Variants in TET3 observed in about 807,000 individuals in gnomAD.
TET3 encodes the protein tet methylcytosine dioxygenase 3, also known as methylcytosine dioxygenase TET3.
A neutral mutation model predicts 141.4 loss-of-function variants in TET3; 19 were observed. The ratio of observed to expected loss-of-function variants is 0.13; its 90% CI spans 0.09 to 0.20. TET3 has a LOEUF of 0.20. Among genes scored for constraint, TET3 ranks in the 10% least tolerant of loss-of-function variants. TET3 has a pLI of 1.00. For synonymous variants in TET3, 1,043 were observed against 980.9 expected (o/e 1.06, Z -1.18); for missense variants, 1,874 against 2,356.9 (o/e 0.80, Z 4.24).
chr2:74,078,500 T>C (rs1357572566), intron 5 of TET3, among the ~76,000 whole-genome samples: 2 of 152,194 alleles, frequency 1.3e-5, no homozygotes, highest in Non-Finnish European at 2.9e-5. Flanking sequence ...TGGGACATGG[T>C]TTTTCATTGC....
chr2:74,082,422 C>T (rs530232203), intron 6 of TET3, among the ~76,000 whole-genome samples: 48 of 152,168 alleles, frequency 3.2e-4, no homozygotes, highest in African/African-American at 1.0e-3. Flanking sequence ...ACGCATGGGG[C>T]GCAGTGAACT....
At chr2:74,040,750 A>G (rs1687295505) in intron 3 of TET3, among the ~76,000 whole-genome samples, 1 of 152,166 alleles carries the variant, frequency 6.6e-6, no homozygotes, top group Non-Finnish European at 1.5e-5. Flanking sequence ...TGTCTCTACT[A>G]AAAATAAAAT....
chr2:74,127,150 C>G, the TET3 span, among the ~76,000 whole-genome samples: 1 of 152,142 alleles, frequency 6.6e-6, no homozygotes, highest in Non-Finnish European at 1.5e-5. Context: ...ATCTCATAAA[C>G]TCAAATGAGG....
intron 8 of TET3, among the ~76,000 whole-genome samples, chr2:74,091,395 C>T (rs1459929457): frequency 6.6e-6 from 1 of 152,270 alleles, no homozygotes; most frequent in African/African-American, 2.4e-5. Flanking sequence ...CAGATGATTT[C>T]ACGACCCCTC....
intron 6 of TET3, among the ~76,000 whole-genome samples, chr2:74,082,111 A>C (rs1689869653): frequency 6.6e-6 from 1 of 152,020 alleles, no homozygotes; most frequent in Non-Finnish European, 1.5e-5. Flanking sequence ...AAAAATGAAG[A>C]TCTTGGAGCA....
At chr2:74,084,575 C>CTT (rs1158896557) in intron 6 of TET3, among the ~76,000 whole-genome samples, 1 of 152,066 alleles carries the variant, frequency 6.6e-6, no homozygotes, top group Non-Finnish European at 1.5e-5. Context: ...GCCTCAGCCT[C>CTT]CCAAGTAGCT....
At chr2:74,122,513 T>TATATA in the TET3 span, 186 of 53,340 alleles carry the variant, frequency 3.5e-3, no homozygotes, top group East Asian at 0.017. Flanking sequence ...ATATATATAT[T>TATATA]TTTTTTTTTT....
downstream of TET3, among the ~76,000 whole-genome samples, chr2:74,109,700 G>C (rs1266730295): frequency 6.6e-6 from 1 of 152,152 alleles, no homozygotes; most frequent in Non-Finnish European, 1.5e-5. Context: ...TCCAGGCCCT[G>C]TCCACCACTA....
chr2:74,004,704 G>A (rs891265610), intron 3 of TET3, among the ~76,000 whole-genome samples: 2 of 152,118 alleles, frequency 1.3e-5, no homozygotes, highest in Non-Finnish European at 2.9e-5. Context: ...TGATACGGGC[G>A]ATACTGTGGG....
In TET3 at chr2:74,073,610, C is replaced by G. The variant is rs551114738; in HGVS notation, c.2556C>G (p.Val852=). Residue 852 remains valine (V), a synonymous_variant, in exon 5 of 12, where the codon GTC becomes GTG. Transcript: ENST00000409262. ...CTCACTTGGGATCTGGCCCCACGGT[C>G]GCCTCTATCCGGGAACTCATGGAGG... ...YYTHLGSGPT[V]ASIRELMEER... 1 of 1,611,814 alleles carries G rather than the reference C, an allele frequency of 6.2e-7. No homozygotes were observed. The highest frequency in any genetic ancestry group is 1.1e-5 in the South Asian group (1 of 90,276).
At chr2:73,984,863 C>T (rs1346075448), upstream of TET3, among the ~76,000 whole-genome samples, 1 of 147,276 alleles carries the variant, frequency 6.8e-6, no homozygotes, top group Non-Finnish European at 1.5e-5. This position sits in a 1 kb window ranked among gnomAD's most constrained non-coding sequence, Gnocchi z 5.6. Context: ...CCCTCCCGGG[C>T]GGGGGAGTCC....
Position 74,102,266 on chromosome 2 carries a change from G to C in TET3, c.*90G>C. 1 of 1,359,500 alleles carries C rather than the reference G, an allele frequency of 7.4e-7. No individual in the cohort carries two copies. Among genetic ancestry groups the C allele is most frequent in the Non-Finnish European group, 9.5e-7 (1 of 1,056,786 alleles). 84.2% of individuals were successfully genotyped at this position (1,359,500 alleles called of 1,614,324 possible). On this transcript the variant is annotated 3_prime_UTR_variant, in exon 12 of 12. Coordinates refer to ENST00000409262, the MANE Select transcript of TET3 (RefSeq NM_001287491.2). ...CCTCATACCTGGGGGCGGGTTGGGG[G>C]TGCAGAAGTCTTTTTATCTCTATAT...
chr2:74,006,268 G>T lies in TET3; in HGVS notation c.360+3102G>T, dbSNP rs896065044. 2.0e-5 allele frequency among the ~76,000 whole-genome samples: 3 copies of T among 152,240 alleles called. No homozygotes were observed. The East Asian group carries it at 5.8e-4, about 29-fold the overall frequency. ...CAGGTGAGCATGTCAAACTAGAGAA[G>T]TGAAGGAACTAAGCAAGAGATTTTC... On this transcript the variant is annotated intron_variant, in intron 3 of 11. Coordinates refer to ENST00000409262, the MANE Select transcript of TET3 (RefSeq NM_001287491.2).
the TET3 span, among the ~76,000 whole-genome samples, chr2:74,119,601 T>C: frequency 5.3e-5 from 8 of 152,292 alleles, no homozygotes; most frequent in East Asian, 1.9e-4. Flanking sequence ...AATGTCTCCA[T>C]TGCCTGAAAA....
chr2:74,018,640 G>T (rs965915308), intron 3 of TET3, among the ~76,000 whole-genome samples: 1 of 151,972 alleles, frequency 6.6e-6, no homozygotes, highest in Non-Finnish European at 1.5e-5. Context: ...GGTGTTTTAA[G>T]GCCTCTTTTT....
rs1572916368 is a variant in TET3, at chr2:74,106,932, T to C, written c.*4756T>C. 1 of 152,360 alleles carries C rather than the reference T, an allele frequency of 6.6e-6. No homozygotes were observed. The highest frequency in any genetic ancestry group is 2.1e-4 in the South Asian group (1 of 4,830). 9.4% of individuals were successfully genotyped at this position (152,360 alleles called of 1,614,324 possible). On this transcript the variant is annotated 3_prime_UTR_variant, in exon 12 of 12. Coordinates refer to ENST00000409262, the MANE Select transcript of TET3 (RefSeq NM_001287491.2). Reference sequence around the variant, plus strand: ...AAAGGAAGGAGCGTAGTTGGCTGTATTTCATGTTTAAGTTTTGCTTTTGAA... The same window carrying C: ...AAAGGAAGGAGCGTAGTTGGCTGTACTTCATGTTTAAGTTTTGCTTTTGAA...
chr2:74,109,762 G>A (rs1426523777), downstream of TET3, among the ~76,000 whole-genome samples: 2 of 152,138 alleles, frequency 1.3e-5, no homozygotes, highest in Admixed American at 1.3e-4. Flanking sequence ...TATTCATATT[G>A]GGATCTCTAG....
Position 74,087,823 on chromosome 2 carries a change from C to T in TET3, c.2680-7C>T. The T allele has an allele frequency of 6.5e-7, 1 of 1,545,918 alleles. No homozygotes were observed. The highest frequency in any genetic ancestry group is 1.2e-5 in the South Asian group (1 of 83,598). ...GCTCCTGCCCCTCACACCCTGCGTC[C>T]CTGCAGGTGATCCGCAGGCACACGC... On this transcript the variant is annotated splice_polypyrimidine_tract_variant and splice_region_variant and intron_variant, in intron 6 of 11. Coordinates refer to ENST00000409262, the MANE Select transcript of TET3 (RefSeq NM_001287491.2). The surrounding 1 kb of genome is among the most constrained non-coding windows in gnomAD (Gnocchi z 4.3).
At chr2:74,010,000 G>T (rs1685343793) in intron 3 of TET3, among the ~76,000 whole-genome samples, 1 of 152,256 alleles carries the variant, frequency 6.6e-6, no homozygotes, top group African/African-American at 2.4e-5. Flanking sequence ...GGTGCTACCT[G>T]ATGGTTGAGC....
Sources: gnomAD v4.1 joint callset for allele counts (sites outside exome capture counted in the v4.1 genomes callset) on GRCh38, gnomAD v4.1.1 for gene constraint, Gnocchi (gnomAD v3.1) non-coding constraint, MANE v1.5 for transcripts, NCBI Gene and HGNC (gene_info 2026-07-23, HGNC 2026-07-21) for gene names.